The following ZNF516 variants were observed in gnomAD, a reference collection of about 807,000 sequenced individuals.
ZNF516 encodes zinc finger protein 516.
In ZNF516, 19 loss-of-function variants were observed where a neutral mutation model predicts 79.7. That is an observed-to-expected ratio of 0.24 (90% confidence interval 0.17 to 0.35). The LOEUF (loss-of-function observed/expected upper bound fraction) is 0.35. Among genes scored for constraint, ZNF516 ranks in the 10% least tolerant of loss-of-function variants. ZNF516 has a pLI of 1.00. For synonymous variants in ZNF516, 877 were observed against 739.5 expected, an observed-to-expected ratio of 1.19 and a Z score of -3.02; for missense variants, 1,678 against 1,679.5, an observed-to-expected ratio of 1.00 and a Z score of 0.02.
intron 3 of ZNF516, among the ~76,000 whole-genome samples, chr18:76,392,730 C>T (rs1428529605): frequency 6.1e-5 from 1 of 16,302 alleles, no homozygotes; most frequent in Non-Finnish European, 1.2e-4. Context: ...AGGCAGGTGA[C>T]CAGGTGGGGG....
intron 1 of ZNF516, 112 bp from the exon 2 acceptor site, chr18:76,463,253 G>A (rs960306445): frequency 3.9e-5 from 6 of 152,332 alleles, no homozygotes; most frequent in Admixed American, 6.5e-5. Context: ...TGGGGCTACC[G>A]TAGGTATTTT....
chr18:76,402,208 CACA>C (rs2145224866), intron 3 of ZNF516, among the ~76,000 whole-genome samples: 1 of 152,298 alleles, frequency 6.6e-6, no homozygotes, highest in East Asian at 1.9e-4. Context: ...CGCCAGTGGC[CACA>C]ACAATCCCTC....
At chr18:76,426,600 C>T (rs2075595863) in intron 3 of ZNF516, among the ~76,000 whole-genome samples, 1 of 151,798 alleles carries the variant, frequency 6.6e-6, no homozygotes, top group African/African-American at 2.4e-5. Flanking sequence ...TTTTTATGTA[C>T]TAAATTTGGC....
chr18:76,491,557 GGGCGGGCGCCGGGGGGCGGGGGC>G (rs1915218287), intron 1 of ZNF516: 1 of 149,194 alleles, frequency 6.7e-6, no homozygotes, highest in African/African-American at 2.5e-5. Context: ...GGGGGGCGGG[GGGCGGGCGCCGGGGGGCGGGGGC>G]GGCGGGCCAG....
rs111647242 is a variant in ZNF516, at chr18:76,392,803, G to C, written c.1811-12500C>G. On this transcript the variant is annotated intron_variant, in intron 3 of 6. Coordinates refer to ENST00000443185, the MANE Select transcript of ZNF516 (RefSeq NM_014643.4). ...AGGTGGATGGGAAGGCAGGTGGCCAGGTGGGGGAAAGGCAGGTAGTCAGGT... is the reference window on the plus strand; with the variant it reads ...AGGTGGATGGGAAGGCAGGTGGCCACGTGGGGGAAAGGCAGGTAGTCAGGT... Among the ~76,000 whole-genome samples the C allele has an allele frequency of 6.7e-4, 23 of 34,502 alleles. 1 individual carries two copies. The highest frequency in any genetic ancestry group is 8.7e-4 in the Non-Finnish European group (16 of 18,288). 22.6% of individuals were successfully genotyped at this position (34,502 alleles called of 152,430 possible).
Position 76,380,198 on chromosome 18 carries a change from G to C in ZNF516, c.1916C>G (p.Thr639Ser). 6.2e-7 allele frequency: 1 copy of C among 1,613,974 alleles called. No individual in the cohort carries two copies. Among genetic ancestry groups the C allele is most frequent in the Non-Finnish European group, 8.5e-7 (1 of 1,179,898 alleles). ...KMGDNASERD[T>S]GESKAGIAAS... ...TGCGATCCCTGCCTTGGACTCGCCG[G>C]TGTCTCTTTCCGAGGCGTTATCTCC... The change falls in exon 4 of 7, where the codon ACC becomes AGC. Residue 639 changes from threonine (T) to serine (S), a missense_variant. Physicochemically the swap from Thr to Ser is moderately conservative, Grantham distance 58. Transcript: ENST00000443185.
At chr18:76,440,768 ACG>A (rs1491007334) in intron 3 of ZNF516, among the ~76,000 whole-genome samples, 18 of 138,118 alleles carry the variant, frequency 1.3e-4, no homozygotes, top group South Asian at 1.1e-3. Context: ...GTGTGCGCGC[ACG>A]CGCGCATGCA....
chr18:76,382,542 G>A (rs529921946), intron 3 of ZNF516, among the ~76,000 whole-genome samples: 6 of 152,122 alleles, frequency 3.9e-5, no homozygotes, highest in African/African-American at 1.4e-4. Context: ...CTTCCAAAAT[G>A]TTCCCCAAAA....
At chr18:76,383,807 A>C (rs549478680) in intron 3 of ZNF516, among the ~76,000 whole-genome samples, 1 of 152,242 alleles carries the variant, frequency 6.6e-6, no homozygotes, top group Non-Finnish European at 1.5e-5. Context: ...CCCCGCATTC[A>C]TCATCAGTAA....
intron 1 of ZNF516, among the ~76,000 whole-genome samples, chr18:76,471,943 C>T (rs187864099): frequency 2.0e-5 from 3 of 152,284 alleles, no homozygotes; most frequent in Admixed American, 6.5e-5. Flanking sequence ...ACAACAGCTG[C>T]CCTGCACCCT....
chr18:76,407,155 T>C (rs1258760140), intron 3 of ZNF516, among the ~76,000 whole-genome samples: 1 of 152,100 alleles, frequency 6.6e-6, no homozygotes, highest in African/African-American at 2.4e-5. Context: ...GGCTGACACC[T>C]ATCATCTCAA....
At chr18:76,477,420 A>G (rs1239768490) in intron 1 of ZNF516, among the ~76,000 whole-genome samples, 1 of 152,162 alleles carries the variant, frequency 6.6e-6, no homozygotes, top group African/African-American at 2.4e-5. Context: ...CAAGAACGGG[A>G]CCCAGCCCCA....
intron 2 of ZNF516, among the ~76,000 whole-genome samples, chr18:76,445,624 A>G (rs1911996805): frequency 6.6e-6 from 1 of 152,230 alleles, no homozygotes; most frequent in Non-Finnish European, 1.5e-5. Flanking sequence ...AAAAACAACT[A>G]AAATCCTGGA....
chr18:76,447,948 C>T (rs1912159135), intron 2 of ZNF516, among the ~76,000 whole-genome samples: 1 of 152,060 alleles, frequency 6.6e-6, no homozygotes, highest in South Asian at 2.1e-4. Flanking sequence ...AGTTCAAGGC[C>T]ACTTTTTTTA....
At chr18:76,495,584 G>C, upstream of ZNF516, 1 of 322,542 alleles carries the variant, frequency 3.1e-6, no homozygotes, top group Non-Finnish European at 5.7e-6. Flanking sequence ...TCCCCTAATA[G>C]CACTGAATCA....
At chr18:76,470,227 A>C (rs1008625485) in intron 1 of ZNF516, among the ~76,000 whole-genome samples, 3 of 152,202 alleles carry the variant, frequency 2.0e-5, no homozygotes, top group African/African-American at 7.2e-5. Context: ...TATCTGAGCC[A>C]ACCAATGTGC....
At chr18:76,484,117 T>C (rs1032073220) in intron 1 of ZNF516, among the ~76,000 whole-genome samples, 1 of 152,210 alleles carries the variant, frequency 6.6e-6, no homozygotes, top group African/African-American at 2.4e-5. Context: ...ACCAAGTTCC[T>C]TTTCAGAGTG....
intron 1 of ZNF516, among the ~76,000 whole-genome samples, chr18:76,468,551 G>T (rs1347370808): frequency 6.6e-6 from 1 of 151,538 alleles, no homozygotes; most frequent in African/African-American, 2.4e-5. Context: ...CTAGTAGCTG[G>T]GACTACAGGT....
intron 6 of ZNF516, among the ~76,000 whole-genome samples, chr18:76,363,055 C>T (rs1375954701): frequency 6.6e-6 from 1 of 152,150 alleles, no homozygotes; most frequent in East Asian, 1.9e-4. Context: ...AACTTCAGAG[C>T]GTGTTCACCC....
Sources: allele counts gnomAD v4.1 joint callset (sites outside exome capture counted in the v4.1 genomes callset), GRCh38; gene constraint gnomAD v4.1.1; transcripts MANE v1.5; gene names NCBI Gene and HGNC (gene_info 2026-07-23, HGNC 2026-07-21).